CSMD1: variants seen among roughly 807,000 people sequenced by gnomAD.
CSMD1 encodes the protein CUB and sushi domain-containing protein 1.
In CSMD1, 213 loss-of-function variants were observed where a neutral mutation model predicts 417.5. The observed-to-expected ratio is 0.51, with a 90% CI of 0.46 to 0.57. CSMD1 has a LOEUF of 0.57. Ranked by LOEUF, CSMD1 falls within the 20% of genes least tolerant of loss-of-function variation. The pLI is 0.00. For missense variants in CSMD1, 6,923 were observed against 4,529.7 expected, an observed-to-expected ratio of 1.53 and a Z score of -15.17; for synonymous variants, 2,862 against 1,736.8, an observed-to-expected ratio of 1.65 and a Z score of -16.11.
chr8:3,741,857 G>A (rs956471522), intron 6 of CSMD1, among the ~76,000 whole-genome samples: 1 of 152,042 alleles, frequency 6.6e-6, no homozygotes, highest in South Asian at 2.1e-4. Flanking sequence ...GCAAACTCTT[G>A]TGGACCAAAG....
chr8:4,518,166 C>T (rs1339407520), intron 2 of CSMD1, among the ~76,000 whole-genome samples: 1 of 152,074 alleles, frequency 6.6e-6, no homozygotes, highest in Non-Finnish European at 1.5e-5. Flanking sequence ...GACAAGAAGA[C>T]AGAGTATGGC....
At chr8:3,313,289 A>G (rs530557488) in intron 23 of CSMD1, among the ~76,000 whole-genome samples, 1 of 152,332 alleles carries the variant, frequency 6.6e-6, no homozygotes, top group East Asian at 1.9e-4. Flanking sequence ...TAAACTAACG[A>G]GGTTCTGCAC....
At chr8:4,464,327 C>G (rs763026997) in intron 2 of CSMD1, among the ~76,000 whole-genome samples, 3 of 152,090 alleles carry the variant, frequency 2.0e-5, no homozygotes, top group East Asian at 1.9e-4. Context: ...ACTTACAGTG[C>G]GGTTATGTTC....
At chr8:4,700,429 G>C (rs1408142572) in intron 1 of CSMD1, among the ~76,000 whole-genome samples, 1 of 151,968 alleles carries the variant, frequency 6.6e-6, no homozygotes, top group African/African-American at 2.4e-5. Flanking sequence ...TAAACAGGTA[G>C]GTTTACTTTG....
intron 30 of CSMD1, 44 bp from the exon 31 acceptor site, chr8:3,205,664 G>A (rs1797210418): frequency 1.0e-6 from 1 of 957,710 alleles, no homozygotes; most frequent in Non-Finnish European, 1.6e-6. Flanking sequence ...TGCAATAATA[G>A]CGCAGGTGAT....
chr8:3,726,219 A>C (rs1440339282), intron 6 of CSMD1, among the ~76,000 whole-genome samples: 1 of 152,180 alleles, frequency 6.6e-6, no homozygotes, highest in East Asian at 1.9e-4. Flanking sequence ...AGCCCCAGCC[A>C]GCATTGACTG....
chr8:4,564,046 G>A (rs772703855), intron 2 of CSMD1, among the ~76,000 whole-genome samples: 4 of 152,158 alleles, frequency 2.6e-5, no homozygotes, highest in Non-Finnish European at 5.9e-5. Context: ...CCCAGTTAGC[G>A]AACATTCCTA....
At chr8:4,066,502 G>C (rs1055591329) in intron 3 of CSMD1, among the ~76,000 whole-genome samples, 2 of 152,102 alleles carry the variant, frequency 1.3e-5, no homozygotes, top group African/African-American at 2.4e-5. Flanking sequence ...TGACTTGATA[G>C]AAAACAATTT....
chr8:3,375,205 C>G (rs1211328165), intron 18 of CSMD1: 1 of 152,296 alleles, frequency 6.6e-6, no homozygotes, highest in Middle Eastern at 3.4e-3. Context: ...ACCTTGGAGT[C>G]ACCTCTCTCT....
intron 2 of CSMD1, among the ~76,000 whole-genome samples, chr8:4,594,307 G>C (rs1356802435): frequency 3.3e-5 from 5 of 149,254 alleles, no homozygotes; most frequent in Non-Finnish European, 7.4e-5. Flanking sequence ...GGGTTAAAGC[G>C]ATTCTCCTGT....
chr8:3,464,770 T>A (rs1816705902), intron 12 of CSMD1, among the ~76,000 whole-genome samples: 1 of 152,130 alleles, frequency 6.6e-6, no homozygotes, highest in Non-Finnish European at 1.5e-5. Flanking sequence ...ATTTACATCC[T>A]GCTTCTTAGC....
intron 4 of CSMD1, among the ~76,000 whole-genome samples, chr8:4,007,445 A>G (rs1327067686): frequency 6.6e-6 from 1 of 152,064 alleles, no homozygotes; most frequent in Non-Finnish European, 1.5e-5. Context: ...TGAGAAGCAC[A>G]TCTCCCTGTC....
In CSMD1 at chr8:4,245,551, G is replaced by A. The variant is rs560440270; in HGVS notation, c.415+174402C>T. On this transcript the variant is annotated intron_variant, in intron 3 of 69. Coordinates refer to ENST00000635120, the MANE Select transcript of CSMD1 (RefSeq NM_033225.6). ...CTCTCCATGCTGGGATGCTAAACAT[G>A]AGGTGTGTAGAGGAAATGTGAGTTC... 1.2e-4 allele frequency among the ~76,000 whole-genome samples: 18 copies of A among 152,290 alleles called. 1 individual carries two copies. The South Asian group carries it at 3.7e-3, about 32-fold the overall frequency.
intron 3 of CSMD1, among the ~76,000 whole-genome samples, chr8:4,253,641 C>T (rs1616448): frequency 2.6e-5 from 4 of 151,846 alleles, no homozygotes; most frequent in Non-Finnish European, 4.4e-5. Context: ...GGGGCCAGAT[C>T]TACTTAATAG....
intron 1 of CSMD1, among the ~76,000 whole-genome samples, chr8:4,841,424 C>A (rs1028149249): frequency 3.3e-4 from 50 of 152,100 alleles, no homozygotes; most frequent in African/African-American, 1.2e-3. Context: ...AAAAATATAA[C>A]AAATCCCTAC....
At chr8:3,069,741 T>C (rs933983212) in intron 49 of CSMD1, among the ~76,000 whole-genome samples, 2 of 152,146 alleles carry the variant, frequency 1.3e-5, no homozygotes, top group Admixed American at 6.5e-5. Context: ...CAGTGATCCC[T>C]TCTCACAGCT....
At chr8:3,179,913 A>G (rs1217673046) in intron 37 of CSMD1, among the ~76,000 whole-genome samples, 8 of 152,212 alleles carry the variant, frequency 5.3e-5, no homozygotes, top group African/African-American at 1.7e-4. Context: ...GGAAAATTTA[A>G]CCAGAATGTG....
intron 18 of CSMD1, chr8:3,373,771 G>C (rs148590152): frequency 4.6e-5 from 7 of 152,212 alleles, no homozygotes; most frequent in African/African-American, 1.7e-4. Context: ...TGTCCTTAAT[G>C]CTATAATTTC....
At chr8:3,822,808 T>A (rs75149092) in intron 5 of CSMD1, among the ~76,000 whole-genome samples, 3,317 of 152,224 alleles carry the variant, frequency 0.022, 108 homozygotes, top group African/African-American at 0.072. Context: ...GAACAGAACT[T>A]TGGGCTTATT....
Sources: gnomAD v4.1 joint callset for allele counts (sites outside exome capture counted in the v4.1 genomes callset) on GRCh38, gnomAD v4.1.1 for gene constraint, MANE v1.5 for transcripts, NCBI Gene and HGNC (gene_info 2026-07-23, HGNC 2026-07-21) for gene names.